Variants in TPPP observed in about 807,000 individuals in gnomAD.
The protein encoded by TPPP is tubulin polymerization promoting protein.
A neutral mutation model predicts 15.5 loss-of-function variants in TPPP; 6 were observed. The ratio of observed to expected loss-of-function variants is 0.39; its 90% CI spans 0.21 to 0.77. TPPP has a LOEUF of 0.77. Among genes scored for constraint, TPPP ranks in the 30% least tolerant of loss-of-function variants. TPPP has a pLI of 0.42. For missense variants in TPPP, 269 were observed against 307.2 expected, an observed-to-expected ratio of 0.88 and a Z score of 0.93; for synonymous variants, 146 against 133.9, an observed-to-expected ratio of 1.09 and a Z score of -0.63.
chr5:665,382 T>C (rs1739853910), intron 3 of TPPP, 86 bp from the exon 4 acceptor site: 2 of 1,322,536 alleles, frequency 1.5e-6, no homozygotes, highest in South Asian at 1.4e-5. Flanking sequence ...TGGGCAGGTC[T>C]CCCAGCGGTG....
intron 2 of TPPP, among the ~76,000 whole-genome samples, chr5:671,045 A>G (rs964254584): frequency 6.6e-6 from 1 of 151,986 alleles, no homozygotes; most frequent in Non-Finnish European, 1.5e-5. Flanking sequence ...TTGCTGCACC[A>G]GCTCTAACCC....
At chr5:668,413 G>C (rs541151161) in intron 2 of TPPP, among the ~76,000 whole-genome samples, 8 of 125,012 alleles carry the variant, frequency 6.4e-5, no homozygotes, top group African/African-American at 1.5e-4. Flanking sequence ...CAAGCACACA[G>C]AGAGGGGGCC....
chr5:698,728 C>G, the TPPP span, among the ~76,000 whole-genome samples: 3 of 151,906 alleles, frequency 2.0e-5, no homozygotes, highest in African/African-American at 7.3e-5. Context: ...ATTATGGGAG[C>G]TACAATTCAA....
chr5:661,741 T>C lies in TPPP; in HGVS notation c.*3361A>G, dbSNP rs72707007. 19,397 of 152,468 alleles carry C rather than the reference T, an allele frequency of 0.13. 1,581 individuals are homozygous for C. The highest frequency in any genetic ancestry group is 0.19 in the Non-Finnish European group (12,687 of 68,018). 9.4% of individuals were successfully genotyped at this position (152,468 alleles called of 1,614,324 possible). A position where few individuals can be genotyped will look rare whatever the true frequency, so the allele number is the denominator to read the frequency against. On this transcript the variant is annotated 3_prime_UTR_variant, in exon 4 of 4. Coordinates refer to ENST00000360578, the MANE Select transcript of TPPP (RefSeq NM_007030.3). The stretch of plus-strand genomic sequence containing the variant: ...ACGGATTCCACAGACAAGTTGTAAC[T>C]GACAGTGGTGACCACTATGTCCTCG...
chr5:666,671 G>C (rs1739929700), intron 2 of TPPP, among the ~76,000 whole-genome samples: 1 of 151,648 alleles, frequency 6.6e-6, no homozygotes, highest in South Asian at 2.1e-4. Context: ...TCTGGCCTCA[G>C]AGGTGCAGAG....
intron 2 of TPPP, 133 bp from the exon 3 acceptor site, chr5:666,256 G>T: frequency 2.0e-6 from 2 of 993,302 alleles, no homozygotes; most frequent in Non-Finnish European, 2.9e-6. Context: ...GGCCGCCCTG[G>T]TAGCACTGCA....
At chr5:697,808 G>C (rs1359313528), upstream of TPPP, among the ~76,000 whole-genome samples, 14 of 149,814 alleles carry the variant, frequency 9.3e-5, no homozygotes, top group African/African-American at 3.4e-4. Context: ...AAATCGAAGA[G>C]GGGGGATATC....
At chr5:683,257 C>T (rs1395379631) in intron 1 of TPPP, among the ~76,000 whole-genome samples, 2 of 147,952 alleles carry the variant, frequency 1.4e-5, no homozygotes, top group Non-Finnish European at 3.0e-5. Flanking sequence ...CTCATGCAGG[C>T]ACAGCCCGAG....
intron 1 of TPPP, among the ~76,000 whole-genome samples, chr5:681,071 A>G (rs1740609008): frequency 6.6e-6 from 1 of 152,232 alleles, no homozygotes; most frequent in Non-Finnish European, 1.5e-5. Context: ...TCAGACGGAC[A>G]ACGAGCCTGG....
upstream of TPPP, among the ~76,000 whole-genome samples, chr5:694,244 G>C (rs1321628360): frequency 6.6e-6 from 1 of 151,750 alleles, no homozygotes; most frequent in East Asian, 1.9e-4. Context: ...CAAGGTTCCG[G>C]GGCCGAGATG....
chr5:698,259 A>C (rs1029010547), upstream of TPPP, among the ~76,000 whole-genome samples: 1 of 152,068 alleles, frequency 6.6e-6, no homozygotes, highest in Non-Finnish European at 1.5e-5. Context: ...GGTATAAGAC[A>C]TGGATGCCCA....
rs1407620094 is a variant in TPPP, at chr5:664,989, C to G, written c.*113G>C. On this transcript the variant is annotated 3_prime_UTR_variant, in exon 4 of 4. Transcript: ENST00000360578. The stretch of plus-strand genomic sequence containing the variant: ...GGGCCTGGCCGCCCCCCAGCCCCCT[C>G]TGGGGCACCCGTCTGAGTTCTGCCC... The G allele has an allele frequency of 1.5e-6, 2 of 1,342,014 alleles. No homozygotes were observed. Among genetic ancestry groups the G allele is most frequent in the Non-Finnish European group, 2.0e-6 (2 of 984,626 alleles). The allele number at this position is 1,342,014 out of a possible 1,614,324, so 83.1% of individuals were successfully genotyped here. A position where few individuals can be genotyped will look rare whatever the true frequency, so the allele number is the denominator to read the frequency against.
Position 678,020 on chromosome 5 carries a change from G to A in TPPP, c.41C>T (p.Thr14Met), listed in dbSNP as rs754225798. 82 of 1,597,290 alleles carry A rather than the reference G, an allele frequency of 5.1e-5. No homozygotes were observed. Among genetic ancestry groups the A allele is most frequent in the Admixed American group, 3.8e-4 (22 of 57,662 alleles). The change falls in exon 2 of 4, where the codon ACG becomes ATG. Residue 14 changes from threonine to methionine, a missense_variant. By Grantham distance (81) the Thr-to-Met change is moderately conservative. Transcript: ENST00000360578. ...KAKPAKAANR[T>M]PPKSPGDPSK... Reference sequence around the variant, plus strand: ...GGGGTCCCCCGGGGACTTGGGGGGCGTCCTGTTGGCAGCTTTGGCAGGCTT... The same window carrying A: ...GGGGTCCCCCGGGGACTTGGGGGGCATCCTGTTGGCAGCTTTGGCAGGCTT...
At chr5:668,360 C>G (rs1201158513) in intron 2 of TPPP, among the ~76,000 whole-genome samples, 1 of 110,328 alleles carries the variant, frequency 9.1e-6, no homozygotes, top group Non-Finnish European at 1.8e-5. Flanking sequence ...CGGACAAGCA[C>G]ACTGGAGAGG....
chr5:683,843 T>C (rs368398270), intron 1 of TPPP, among the ~76,000 whole-genome samples: 6 of 152,276 alleles, frequency 3.9e-5, no homozygotes, highest in South Asian at 4.1e-4. Flanking sequence ...GTCCCTGGTC[T>C]TCTCTCCATG....
At chr5:699,019 C>T in the TPPP span, among the ~76,000 whole-genome samples, 2 of 151,946 alleles carry the variant, frequency 1.3e-5, no homozygotes, top group Non-Finnish European at 2.9e-5. Context: ...TCATACATGA[C>T]ACAAACAGAA....
rs1275005540 is a variant in TPPP, at chr5:662,970, GTGATTC to G, written c.*2126_*2131del. 2.3e-3 allele frequency: 343 copies of G among 151,026 alleles called. 24 individuals carry two copies. Among genetic ancestry groups the G allele is most frequent in the African/African-American group, 8.5e-3 (322 of 38,054 alleles). 9.4% of individuals were successfully genotyped at this position (151,026 alleles called of 1,614,324 possible). ...CCGATGACTGCTCGTCTGTGATCGG[GTGATTC>G]CGATGACTGCTCGTCTGTGATCGGG... On this transcript the variant is annotated 3_prime_UTR_variant, in exon 4 of 4. Transcript: ENST00000360578.
intron 2 of TPPP, among the ~76,000 whole-genome samples, chr5:676,928 A>G (rs1423096516): frequency 2.1e-5 from 3 of 144,768 alleles, no homozygotes; most frequent in South Asian, 2.1e-4. Context: ...GCAGAAACGC[A>G]CGCGCGCACA....
At chr5:680,956 G>A (rs972988399) in intron 1 of TPPP, among the ~76,000 whole-genome samples, 1 of 152,264 alleles carries the variant, frequency 6.6e-6, no homozygotes, top group African/African-American at 2.4e-5. Flanking sequence ...AGCAGGAGTG[G>A]AGGAGATGGG....
Sources: gnomAD v4.1 joint callset for allele counts (sites outside exome capture counted in the v4.1 genomes callset) on GRCh38, gnomAD v4.1.1 for gene constraint, MANE v1.5 for transcripts, NCBI Gene and HGNC (gene_info 2026-07-23, HGNC 2026-07-21) for gene names.